The following MBNL2 variants were observed in gnomAD, a reference collection of about 807,000 sequenced individuals.
MBNL2 encodes muscleblind-like protein 2.
A neutral mutation model predicts 41.9 loss-of-function variants in MBNL2; 17 were observed. That is an observed-to-expected ratio of 0.41 (90% CI 0.28 to 0.61). MBNL2 has a LOEUF of 0.61. Ranked by LOEUF, MBNL2 falls within the 20% of genes least tolerant of loss-of-function variation. MBNL2 has a pLI of 0.35. For missense variants in MBNL2, 336 were observed against 505.6 expected (o/e 0.66, Z 3.22); for synonymous variants, 195 against 182.9 (o/e 1.07, Z -0.53).
At chr13:97,336,711 G>T (rs2060913177) in intron 3 of MBNL2, among the ~76,000 whole-genome samples, 1 of 152,134 alleles carries the variant, frequency 6.6e-6, no homozygotes, top group African/African-American at 2.4e-5. Flanking sequence ...AAACCGATTT[G>T]GAACTTCTGG....
At chr13:97,312,696 C>T (rs974762220) in intron 2 of MBNL2, among the ~76,000 whole-genome samples, 1 of 152,180 alleles carries the variant, frequency 6.6e-6, no homozygotes, top group Non-Finnish European at 1.5e-5. Flanking sequence ...AACTTAGATT[C>T]ATTTTATTAC....
chr13:97,383,961 G>A (rs945059433), intron 8 of MBNL2, among the ~76,000 whole-genome samples: 30 of 150,684 alleles, frequency 2.0e-4, no homozygotes, highest in African/African-American at 6.9e-4. Flanking sequence ...GTGTGGTGGC[G>A]CAATCTTGGC....
At position 97,360,631 on chromosome 13, in the gene MBNL2, C is replaced by T. The variant is rs944271163; in HGVS notation, c.1012+2996C>T. On this transcript the variant is annotated intron_variant, in intron 7 of 8. Coordinates refer to ENST00000679496, the MANE Select transcript of MBNL2 (RefSeq NM_001382683.1). ...GTTGCAGTTCTGTTAGTGGCAGGCA[C>T]GGTTATTTGCATTTTGCAGATGGAA... 3.9e-5 allele frequency among the ~76,000 whole-genome samples: 6 copies of T among 152,254 alleles called. No individual in the cohort carries two copies. In the South Asian group the frequency reaches 8.3e-4, roughly 21 times the overall value.
At chr13:97,322,452 G>A (rs2059583884) in intron 2 of MBNL2, among the ~76,000 whole-genome samples, 1 of 152,168 alleles carries the variant, frequency 6.6e-6, no homozygotes, top group African/African-American at 2.4e-5. Flanking sequence ...CTGGACTCAT[G>A]ATGGGGTTAC....
the MBNL2 span, among the ~76,000 whole-genome samples, chr13:97,202,981 T>C: frequency 6.6e-6 from 1 of 152,190 alleles, no homozygotes. Flanking sequence ...CTTCTTGTTT[T>C]GTGCTCCTCC....
At chr13:97,304,978 T>C (rs183869766) in intron 2 of MBNL2, among the ~76,000 whole-genome samples, 1 of 152,360 alleles carries the variant, frequency 6.6e-6, no homozygotes, top group African/African-American at 2.4e-5. Flanking sequence ...TACATGAGGC[T>C]TCATTGGAAA....
chr13:97,204,737 G>A, the MBNL2 span, among the ~76,000 whole-genome samples: 2 of 152,046 alleles, frequency 1.3e-5, no homozygotes, highest in South Asian at 2.1e-4. Context: ...CCTCACTCTG[G>A]AACTCCCTTC....
intron 2 of MBNL2, among the ~76,000 whole-genome samples, chr13:97,324,021 A>G (rs976005363): frequency 6.6e-6 from 1 of 152,100 alleles, no homozygotes; most frequent in Admixed American, 6.6e-5. Context: ...GGTCTTATTC[A>G]TTCTTTCTGT....
chr13:97,242,246 T>A (rs2044439420), intron 1 of MBNL2, among the ~76,000 whole-genome samples: 1 of 152,158 alleles, frequency 6.6e-6, no homozygotes, highest in Non-Finnish European at 1.5e-5. Flanking sequence ...GGTGTTTAGA[T>A]CTAGGAAAGA....
At chr13:97,219,713 G>A (rs988504268), upstream of MBNL2, among the ~76,000 whole-genome samples, 1 of 152,180 alleles carries the variant, frequency 6.6e-6, no homozygotes, top group Non-Finnish European at 1.5e-5. Context: ...TTGAGGGCTA[G>A]GACTTCCACA....
At chr13:97,187,921 A>AT in the MBNL2 span, among the ~76,000 whole-genome samples, 1 of 151,680 alleles carries the variant, frequency 6.6e-6, no homozygotes, top group Non-Finnish European at 1.5e-5. Context: ...AAAAAAAAAA[A>AT]GAAACTGGCA....
the MBNL2 span, among the ~76,000 whole-genome samples, chr13:97,142,921 A>G: frequency 6.6e-6 from 1 of 152,238 alleles, no homozygotes; most frequent in African/African-American, 2.4e-5. Context: ...CAAAAAAATG[A>G]GAAGGTAGCA....
chr13:97,247,438 G>T (rs953606218), intron 1 of MBNL2, among the ~76,000 whole-genome samples: 12 of 152,182 alleles, frequency 7.9e-5, no homozygotes, highest in Non-Finnish European at 2.9e-5. Context: ...TAGGAGAAGA[G>T]ATATGCTGTA....
chr13:97,344,301 A>G (rs1046770946), intron 4 of MBNL2, among the ~76,000 whole-genome samples: 3 of 152,190 alleles, frequency 2.0e-5, no homozygotes, highest in East Asian at 3.8e-4. Flanking sequence ...CTATATCCCT[A>G]TGATATTCAC....
intron 2 of MBNL2, among the ~76,000 whole-genome samples, chr13:97,321,174 G>A (rs1305939987): frequency 6.6e-6 from 1 of 152,062 alleles, no homozygotes; most frequent in African/African-American, 2.4e-5. Flanking sequence ...AGGGCACTCT[G>A]GCCTTGTCAC....
chr13:97,198,677 G>A, the MBNL2 span, among the ~76,000 whole-genome samples: 3 of 151,754 alleles, frequency 2.0e-5, no homozygotes, highest in Non-Finnish European at 4.4e-5. Flanking sequence ...GCAGTAAATG[G>A]CAACTCCATC....
intron 1 of MBNL2, among the ~76,000 whole-genome samples, chr13:97,245,474 G>A (rs1291570623): frequency 2.6e-5 from 4 of 152,172 alleles, no homozygotes; most frequent in Admixed American, 1.3e-4. Flanking sequence ...CTACGAAAGC[G>A]TAATAACTTT....
At chr13:97,231,810 T>A (rs1235424001) in intron 1 of MBNL2, among the ~76,000 whole-genome samples, 1 of 152,164 alleles carries the variant, frequency 6.6e-6, no homozygotes, top group Non-Finnish European at 1.5e-5. Flanking sequence ...TGTTTTTTTT[T>A]TTATTATCCT....
chr13:97,297,291 G>C (rs906337076), intron 2 of MBNL2, among the ~76,000 whole-genome samples: 2 of 152,150 alleles, frequency 1.3e-5, no homozygotes, highest in African/African-American at 4.8e-5. Context: ...TCAAATTGCT[G>C]ATAGTCAGGA....
Sources: gnomAD v4.1 joint callset for allele counts (sites outside exome capture counted in the v4.1 genomes callset) on GRCh38, gnomAD v4.1.1 for gene constraint, MANE v1.5 for transcripts, NCBI Gene and HGNC (gene_info 2026-07-23, HGNC 2026-07-21) for gene names.